Variants in RPSA2 observed in about 807,000 individuals in gnomAD.
The protein encoded by RPSA2 is small ribosomal subunit protein uS2B.
the RPSA2 span, among the ~76,000 whole-genome samples, chr19:23,825,867 G>A: frequency 2.6e-5 from 4 of 152,190 alleles, no homozygotes; most frequent in Middle Eastern, 3.4e-3. Flanking sequence ...GAGATTACAG[G>A]TGTGAGCCAC....
At chr19:23,844,217 G>T in the RPSA2 span, among the ~76,000 whole-genome samples, 1 of 151,964 alleles carries the variant, frequency 6.6e-6, no homozygotes, top group African/African-American at 2.4e-5. Context: ...TATTTCTTCA[G>T]TGTTTTGACT....
the RPSA2 span, among the ~76,000 whole-genome samples, chr19:23,765,598 G>A: frequency 6.6e-6 from 1 of 152,124 alleles, no homozygotes; most frequent in Non-Finnish European, 1.5e-5. Context: ...GGAACACATA[G>A]ACCCGTAGAG....
At chr19:23,786,574 G>A in the RPSA2 span, among the ~76,000 whole-genome samples, 3 of 152,168 alleles carry the variant, frequency 2.0e-5, no homozygotes, top group Admixed American at 1.3e-4. Context: ...ATTAGACATT[G>A]TTACATATTG....
chr19:23,827,935 T>A, the RPSA2 span: 1,407 of 890,106 alleles, frequency 1.6e-3, 2 homozygotes, highest in Non-Finnish European at 2.1e-3. Context: ...CCTCTGTGCC[T>A]ATTCAGCAAT....
the RPSA2 span, chr19:23,827,138 G>T: frequency 2.1e-5 from 16 of 769,388 alleles, no homozygotes; most frequent in Non-Finnish European, 3.1e-5. Flanking sequence ...GATTCCCGTC[G>T]TAACTTAAAG....
chr19:23,799,026 G>T, the RPSA2 span: 2 of 152,146 alleles, frequency 1.3e-5, no homozygotes, highest in Non-Finnish European at 2.9e-5. Context: ...AATATTTTAT[G>T]ATTCTGCTGA....
At chr19:23,758,839 G>A in the RPSA2 span, 1 of 1,579,276 alleles carries the variant, frequency 6.3e-7, no homozygotes, top group Non-Finnish European at 8.7e-7. Flanking sequence ...TCTAGAAGAA[G>A]AGGACACAGA....
At chr19:23,785,772 A>G in the RPSA2 span, among the ~76,000 whole-genome samples, 3 of 152,178 alleles carry the variant, frequency 2.0e-5, no homozygotes, top group Non-Finnish European at 4.4e-5. Flanking sequence ...TCACAGGTGC[A>G]ATGGTGACTC....
the RPSA2 span, among the ~76,000 whole-genome samples, chr19:23,835,305 G>A: frequency 8.6e-5 from 13 of 151,970 alleles, no homozygotes; most frequent in African/African-American, 3.1e-4. Flanking sequence ...ACATCTATTA[G>A]TCTAAAGATA....
the RPSA2 span, among the ~76,000 whole-genome samples, chr19:23,862,928 G>A: frequency 1.4e-5 from 2 of 142,656 alleles, no homozygotes; most frequent in Non-Finnish European, 3.0e-5. Flanking sequence ...TTTTTGAGAT[G>A]GAGTTTTGCT....
the RPSA2 span, among the ~76,000 whole-genome samples, chr19:23,811,650 A>T: frequency 2.0e-5 from 3 of 151,768 alleles, no homozygotes; most frequent in East Asian, 5.8e-4. Flanking sequence ...GCCTGAATTA[A>T]ATTAGGTAAT....
chr19:23,836,673 C>T, the RPSA2 span, among the ~76,000 whole-genome samples: 1 of 152,170 alleles, frequency 6.6e-6, no homozygotes, highest in Admixed American at 6.5e-5. Context: ...TCCATGCCAA[C>T]ATCTACAGTT....
At chr19:23,843,436 G>A in the RPSA2 span, among the ~76,000 whole-genome samples, 2 of 152,072 alleles carry the variant, frequency 1.3e-5, no homozygotes, top group Non-Finnish European at 2.9e-5. Flanking sequence ...AGCATCTTTT[G>A]TCCCATACCA....
chr19:23,856,572 G>T, the RPSA2 span, among the ~76,000 whole-genome samples: 1 of 152,150 alleles, frequency 6.6e-6, no homozygotes, highest in Non-Finnish European at 1.5e-5. Flanking sequence ...CTACCAAAGG[G>T]AATCGGGTTC....
chr19:23,866,719 G>A, the RPSA2 span, among the ~76,000 whole-genome samples: 1 of 152,080 alleles, frequency 6.6e-6, no homozygotes, highest in African/African-American at 2.4e-5. Context: ...GGTCCCAGGA[G>A]GAATATTGAT....
the RPSA2 span, among the ~76,000 whole-genome samples, chr19:23,760,040 GTCTCAGAATT>G: frequency 6.6e-6 from 1 of 152,132 alleles, no homozygotes; most frequent in African/African-American, 2.4e-5. Context: ...CAGTCACAGA[GTCTCAGAATT>G]TCTCCTTGCC....
At chr19:23,807,564 C>CTAT in the RPSA2 span, among the ~76,000 whole-genome samples, 1 of 152,264 alleles carries the variant, frequency 6.6e-6, no homozygotes, top group Non-Finnish European at 1.5e-5. Flanking sequence ...ATGTTAGTGT[C>CTAT]TATGCCCTCA....
the RPSA2 span, among the ~76,000 whole-genome samples, chr19:23,869,425 T>C: frequency 2.6e-5 from 4 of 152,002 alleles, no homozygotes; most frequent in Non-Finnish European, 5.9e-5. Flanking sequence ...TTGCCCCAAC[T>C]GTGCTGACTA....
chr19:23,798,651 C>CT, the RPSA2 span, among the ~76,000 whole-genome samples: 8 of 151,658 alleles, frequency 5.3e-5, no homozygotes, highest in African/African-American at 1.9e-4. Flanking sequence ...AAAATTATTC[C>CT]TACTTACATA....
Sources: allele counts gnomAD v4.1 joint callset (sites outside exome capture counted in the v4.1 genomes callset), GRCh38; gene constraint gnomAD v4.1.1; transcripts MANE v1.5; gene names NCBI Gene and HGNC (gene_info 2026-07-23, HGNC 2026-07-21).